The following CTIF variants were observed in gnomAD, a reference collection of about 807,000 sequenced individuals.
The protein encoded by CTIF is cap binding complex dependent translation initiation factor.
In CTIF, 21 loss-of-function variants were observed where a neutral mutation model predicts 66.0. The ratio of observed to expected loss-of-function variants is 0.32; its 90% CI spans 0.23 to 0.46. The LOEUF (loss-of-function observed/expected upper bound fraction) is 0.46, where lower values mean the gene tolerates loss of function less well. CTIF is among the 20% of genes least tolerant of loss of function. The pLI is 1.00. For missense variants in CTIF, 739 were observed against 812.7 expected (o/e 0.91, Z 1.10); for synonymous variants, 345 against 326.4 (o/e 1.06, Z -0.62).
chr18:48,622,415 G>A (rs917195654), intron 2 of CTIF, among the ~76,000 whole-genome samples: 8 of 152,032 alleles, frequency 5.3e-5, no homozygotes, highest in South Asian at 2.1e-4. Context: ...AGAGCGGGTC[G>A]TGAAACTCAG....
In CTIF at chr18:48,817,354, C is replaced by G; in HGVS notation, c.1505C>G (p.Pro502Arg). Residue 502 changes from proline to arginine, a missense_variant, in exon 10 of 12, where the codon CCC (proline) becomes CGC (arginine). Around this residue, in one of 2 missense-constraint regions of CTIF, gnomAD observed 210 missense variants for 292.3 expected, o/e 0.72. Transcript: ENST00000256413. ...GAGCCCTTCCGTGTGCTCGTGTGCC[C>G]CATCTACACCTGCCTCAGGGAGGTA... ...TGEPFRVLVC[P>R]IYTCLRELLQ... The G allele has an allele frequency of 6.2e-7, 1 of 1,611,410 alleles. No individual in the cohort carries two copies. Among genetic ancestry groups the G allele is most frequent in the Non-Finnish European group, 8.5e-7 (1 of 1,178,966 alleles).
chr18:48,623,631 T>C (rs2090538735), intron 2 of CTIF, among the ~76,000 whole-genome samples: 1 of 150,544 alleles, frequency 6.6e-6, no homozygotes, highest in Admixed American at 6.6e-5. Context: ...TGTCTGCCTG[T>C]GTGGTATTTT....
intron 1 of CTIF, among the ~76,000 whole-genome samples, chr18:48,583,993 TAA>T (rs780699636): frequency 1.3e-5 from 2 of 152,216 alleles, no homozygotes; most frequent in Non-Finnish European, 2.9e-5. Context: ...AGGGCCTCTA[TAA>T]CCCTTACAGC....
chr18:48,580,871 G>C (rs2089639471), intron 1 of CTIF, among the ~76,000 whole-genome samples: 1 of 152,242 alleles, frequency 6.6e-6, no homozygotes, highest in Non-Finnish European at 1.5e-5. Flanking sequence ...TGCCTGGCAG[G>C]ATGTGGATTC....
At chr18:48,833,828 G>C (rs1274914123) in intron 10 of CTIF, among the ~76,000 whole-genome samples, 1 of 152,190 alleles carries the variant, frequency 6.6e-6, no homozygotes, top group East Asian at 1.9e-4. Context: ...TGGAATGTTA[G>C]GTTTTCATAC....
intron 8 of CTIF, chr18:48,760,428 A>G (rs988230200): frequency 6.6e-6 from 1 of 152,180 alleles, no homozygotes; most frequent in Non-Finnish European, 1.5e-5. Flanking sequence ...ACCTATGAGG[A>G]AACTGAGGCC....
At chr18:48,685,456 CA>C (rs2091824336) in intron 6 of CTIF, among the ~76,000 whole-genome samples, 1 of 151,986 alleles carries the variant, frequency 6.6e-6, no homozygotes, top group Non-Finnish European at 1.5e-5. Context: ...TTCCTGACAT[CA>C]GATGATCCGC....
chr18:48,838,024 G>C (rs1325644819), intron 10 of CTIF, among the ~76,000 whole-genome samples: 1 of 152,044 alleles, frequency 6.6e-6, no homozygotes, highest in East Asian at 1.9e-4. Context: ...AACAAAGTCC[G>C]TCTTCCCTGG....
rs537457119 is a variant in CTIF at position 48,822,598 on chromosome 18, T to A, written c.1527+5222T>A. On this transcript the variant is annotated intron_variant, in intron 10 of 11. Coordinates refer to ENST00000256413, the MANE Select transcript of CTIF (RefSeq NM_014772.3). Reference sequence around the variant, plus strand: ...TGGGTTGTTTCCGTGTCTTGGCTTATTGTGAATAGAGCTGCAATGAACATG... The same window carrying A: ...TGGGTTGTTTCCGTGTCTTGGCTTAATGTGAATAGAGCTGCAATGAACATG... Among the ~76,000 whole-genome samples the A allele has an allele frequency of 2.2e-4, 29 of 130,214 alleles. No individual in the cohort carries two copies. The East Asian group carries it at 6.3e-3, about 28-fold the overall frequency. 85.4% of individuals were successfully genotyped at this position (130,214 alleles called of 152,430 possible). A position where few individuals can be genotyped will look rare whatever the true frequency, so the allele number is the denominator to read the frequency against.
chr18:48,579,726 G>T (rs1409110340), intron 1 of CTIF, among the ~76,000 whole-genome samples: 1 of 152,046 alleles, frequency 6.6e-6, no homozygotes, highest in Non-Finnish European at 1.5e-5. Flanking sequence ...GTGTACCCAG[G>T]TCTCTTTGTG....
chr18:48,847,235 G>C (rs1048308194), intron 10 of CTIF, among the ~76,000 whole-genome samples: 1 of 149,432 alleles, frequency 6.7e-6, no homozygotes, highest in East Asian at 2.0e-4. Context: ...TTGAACCCGG[G>C]AAGCAGAGGT....
rs1180569441 is a variant in CTIF at position 48,817,737 on chromosome 18, T to C, written c.1527+361T>C. Among the ~76,000 whole-genome samples the C allele has an allele frequency of 2.0e-5, 3 of 150,378 alleles. No individual in the cohort carries two copies. In the East Asian group the frequency reaches 5.8e-4, roughly 29 times the overall value. On this transcript the variant is annotated intron_variant, in intron 10 of 11. Transcript: ENST00000256413. The stretch of plus-strand genomic sequence containing the variant: ...ACTGCAGTGAGCCGAGATCGCACAC[T>C]GCACTCCAGCCTGGGCGACAGAGCG...
At chr18:48,633,377 T>A (rs1046692608) in intron 2 of CTIF, among the ~76,000 whole-genome samples, 6 of 152,204 alleles carry the variant, frequency 3.9e-5, no homozygotes, top group Non-Finnish European at 8.8e-5. Context: ...TATATACATA[T>A]ACATATGTTT....
At chr18:48,672,884 GGCTCCCCCTGCCAT>G (rs2091558951) in intron 6 of CTIF, among the ~76,000 whole-genome samples, 1 of 152,056 alleles carries the variant, frequency 6.6e-6, no homozygotes, top group South Asian at 2.1e-4. Flanking sequence ...CTCTGTCCTG[GGCTCCCCCTGCCAT>G]CCTGTGGCCC....
At chr18:48,738,951 G>A (rs7242814) in intron 7 of CTIF, among the ~76,000 whole-genome samples, 2 of 152,244 alleles carry the variant, frequency 1.3e-5, no homozygotes, top group Non-Finnish European at 1.5e-5. Flanking sequence ...AGCTCCTTGG[G>A]CTACCTCCCA....
At chr18:48,573,131 G>A (rs540727741) in intron 1 of CTIF, among the ~76,000 whole-genome samples, 19 of 152,306 alleles carry the variant, frequency 1.2e-4, no homozygotes, top group African/African-American at 3.8e-4. Flanking sequence ...GAGCCCTTGC[G>A]TCTGGATCAG....
At chr18:48,738,933 A>G (rs2092528838) in intron 7 of CTIF, among the ~76,000 whole-genome samples, 1 of 152,022 alleles carries the variant, frequency 6.6e-6, no homozygotes, top group South Asian at 2.1e-4. Context: ...TCGCTTAGGG[A>G]CCTGCCCAGC....
intron 10 of CTIF, among the ~76,000 whole-genome samples, chr18:48,835,709 C>T (rs2068793566): frequency 6.6e-6 from 1 of 152,206 alleles, no homozygotes; most frequent in African/African-American, 2.4e-5. Flanking sequence ...GATCTCCCCC[C>T]TCTGGCGTGG....
chr18:48,833,446 C>G (rs1468496799), intron 10 of CTIF, among the ~76,000 whole-genome samples: 2 of 152,018 alleles, frequency 1.3e-5, no homozygotes, highest in African/African-American at 2.4e-5. Flanking sequence ...GAAAGATGCC[C>G]TCTTTCCCAT....
Sources: allele counts gnomAD v4.1 joint callset (sites outside exome capture counted in the v4.1 genomes callset), GRCh38; gene constraint gnomAD v4.1.1; regional missense constraint gnomAD v4.1.1; transcripts MANE v1.5; gene names NCBI Gene and HGNC (gene_info 2026-07-23, HGNC 2026-07-21).